ESYT3: variants seen among roughly 807,000 people sequenced by gnomAD.
The protein encoded by ESYT3 is extended synaptotagmin-3.
In ESYT3, 101 loss-of-function variants were observed where a neutral mutation model predicts 111.5. The ratio of observed to expected loss-of-function variants is 0.91; its 90% CI spans 0.77 to 1.07. The LOEUF is 1.07. Ranked by LOEUF, ESYT3 falls within the 50% of genes least tolerant of loss-of-function variation. ESYT3 has a pLI of 0.00. For missense variants in ESYT3, 1,097 were observed against 1,109.4 expected (o/e 0.99, Z 0.16); for synonymous variants, 416 against 446.8 (o/e 0.93, Z 0.87).
In ESYT3 at chr3:138,460,604, C is replaced by G; in HGVS notation, c.739-7C>G. ...TCCAGCCTAATAGCTTCCCTCTGCC[C>G]CTGAAGCACCTACAGATCAACTGGA... On this transcript the variant is annotated splice_region_variant and splice_polypyrimidine_tract_variant and intron_variant, in intron 6 of 22. Transcript: ENST00000389567. 3 of 1,614,000 alleles carry G rather than the reference C, an allele frequency of 1.9e-6. No individual in the cohort carries two copies. Among genetic ancestry groups the G allele is most frequent in the Non-Finnish European group, 2.5e-6 (3 of 1,179,900 alleles).
chr3:138,478,040 C>CTATT lies in ESYT3; in HGVS notation c.*1188_*1191dup, dbSNP rs1317460989. ...TGCTGACTCAAGTCATGTCTCAAAC[C>CTATT]TATTTCCTCTATTAAGTAAGTCAGT... is the stretch of plus-strand genomic sequence containing the variant. On this transcript the variant is annotated 3_prime_UTR_variant, in exon 23 of 23. Coordinates refer to ENST00000389567, the MANE Select transcript of ESYT3 (RefSeq NM_031913.5). 1.3e-5 allele frequency: 2 copies of CTATT among 151,956 alleles called. No individual in the cohort carries two copies. Among genetic ancestry groups the CTATT allele is most frequent in the African/African-American group, 4.9e-5 (2 of 41,202 alleles). 9.4% of individuals were successfully genotyped at this position (151,956 alleles called of 1,614,324 possible).
chr3:138,444,320 G>A (rs774970602), intron 1 of ESYT3, among the ~76,000 whole-genome samples: 31 of 152,230 alleles, frequency 2.0e-4, no homozygotes, highest in Non-Finnish European at 3.8e-4. Context: ...CTGACAGGTA[G>A]TGCGGGGAGG....
Position 138,468,900 on chromosome 3 carries a change from A to G in ESYT3, c.1434+19A>G, listed in dbSNP as rs2033075318. On this transcript the variant is annotated intron_variant, in intron 14 of 22. Coordinates refer to ENST00000389567, the MANE Select transcript of ESYT3 (RefSeq NM_031913.5). ...TGCCAGAGTGAGTGAGTATGTGGCT[A>G]AAAACTCCAGGGAGGGCAAATCACA... 3.1e-6 allele frequency: 5 copies of G among 1,613,832 alleles called. No individual in the cohort carries two copies. The highest frequency in any genetic ancestry group is 4.2e-6 in the Non-Finnish European group (5 of 1,179,708).
At chr3:138,442,192 T>A (rs992582658) in intron 1 of ESYT3, among the ~76,000 whole-genome samples, 1 of 152,176 alleles carries the variant, frequency 6.6e-6, no homozygotes, top group Non-Finnish European at 1.5e-5. Context: ...AAGTTAAAAT[T>A]AGGATAAGCA....
chr3:138,452,222 C>T (rs1417892793), intron 2 of ESYT3, 133 bp downstream of exon 2: 1 of 763,736 alleles, frequency 1.3e-6, no homozygotes, highest in Non-Finnish European at 2.1e-6. Flanking sequence ...TGCTCCCTTT[C>T]CCTCTTCTTT....
rs759716021 is a variant in ESYT3 at position 138,435,016 on chromosome 3, G to T, written c.218G>T (p.Arg73Leu). Reference protein sequence around the residue: ...LLGALLWMWWRRNRRGKLGRL... With the variant: ...LLGALLWMWWLRNRRGKLGRL... ...GGCGCCCTGCTGTGGATGTGGTGGCGCAGGAACCGCCGCGGGAAGCTTGGG... is the reference window on the plus strand; with the variant it reads ...GGCGCCCTGCTGTGGATGTGGTGGCTCAGGAACCGCCGCGGGAAGCTTGGG... The change falls in exon 1 of 23, where the codon CGC (arginine) becomes CTC (leucine). Residue 73 changes from arginine to leucine, a missense_variant. Transcript: ENST00000389567. This position sits in a 1 kb window ranked among gnomAD's most constrained non-coding sequence, Gnocchi z 4.8. The T allele has an allele frequency of 3.9e-5, 61 of 1,574,584 alleles. No individual in the cohort carries two copies. In the Admixed American group the frequency reaches 4.2e-4, roughly 11 times the overall value.
In ESYT3 at chr3:138,473,639, A is replaced by AG. The variant is rs766230320; in HGVS notation, c.2336+8dup. 1.2e-6 allele frequency: 2 copies of AG among 1,612,194 alleles called. No individual in the cohort carries two copies. The highest frequency in any genetic ancestry group is 2.2e-5 in the South Asian group (2 of 91,010). ...CGTGCTAATCAATGGCTGCAGGTAA[A>AG]GGGATTCTAGGGCCAGGGAGGTCCT... On this transcript the variant is annotated splice_donor_region_variant and intron_variant, in intron 19 of 22. Coordinates refer to ENST00000389567, the MANE Select transcript of ESYT3 (RefSeq NM_031913.5).
At chr3:138,457,121 C>T (rs2032324505) in intron 3 of ESYT3, among the ~76,000 whole-genome samples, 1 of 152,316 alleles carries the variant, frequency 6.6e-6, no homozygotes, top group South Asian at 2.1e-4. Context: ...TTCACACACC[C>T]ATGAACATTT....
intron 1 of ESYT3, among the ~76,000 whole-genome samples, chr3:138,444,368 G>A (rs151308085): frequency 0.01 from 1,540 of 152,298 alleles, 14 homozygotes; most frequent in Non-Finnish European, 0.016. Flanking sequence ...TTGACCATGT[G>A]TCTGGGCATC....
intron 1 of ESYT3, among the ~76,000 whole-genome samples, chr3:138,438,324 CCA>C (rs1376966174): frequency 1.3e-5 from 2 of 152,188 alleles, no homozygotes; most frequent in Non-Finnish European, 2.9e-5. Context: ...CTCAAGGGCA[CCA>C]CACTCAGACC....
At chr3:138,465,177 C>T (rs554018466) in intron 9 of ESYT3, among the ~76,000 whole-genome samples, 162 bp from the exon 10 acceptor site, 1 of 152,362 alleles carries the variant, frequency 6.6e-6, no homozygotes, top group East Asian at 1.9e-4. Context: ...CTTCTCTTCC[C>T]CCCGAAGGGG....
chr3:138,457,424 A>G, intron 3 of ESYT3, 144 bp from the exon 4 acceptor site: 1 of 765,902 alleles, frequency 1.3e-6, no homozygotes, highest in Non-Finnish European at 2.4e-6. Flanking sequence ...TCTGGGCTGC[A>G]GGATAGATTT....
chr3:138,434,931 T>C lies in ESYT3; in HGVS notation c.133T>C (p.Tyr45His). 2 of 1,552,278 alleles carry C rather than the reference T, an allele frequency of 1.3e-6. No individual in the cohort carries two copies. Among genetic ancestry groups the C allele is most frequent in the South Asian group, 1.2e-5 (1 of 84,092 alleles). Residue 45 changes from tyrosine to histidine, a missense_variant, in exon 1 of 23, where the codon TAC becomes CAC. Tyr to His is a moderately conservative substitution (Grantham distance 83). Coordinates refer to ENST00000389567, the MANE Select transcript of ESYT3 (RefSeq NM_031913.5). Reference protein sequence around the residue: ...LCTFVVRVLFYLGPVYLAGYL... With the variant: ...LCTFVVRVLFHLGPVYLAGYL... The stretch of plus-strand genomic sequence containing the variant: ...TACCTTCGTGGTGCGCGTGCTGTTC[T>C]ACCTGGGGCCTGTCTACCTAGCTGG...
intron 20 of ESYT3, among the ~76,000 whole-genome samples, chr3:138,475,409 A>G (rs546437766): frequency 6.6e-6 from 1 of 152,314 alleles, no homozygotes; most frequent in South Asian, 2.1e-4. Flanking sequence ...ATAAGCCTGG[A>G]CTATCTGGAA....
Position 138,465,426 on chromosome 3 carries a change from G to GGAGGAGGGCGCA in ESYT3, c.1169+6_1169+17dup. The GGAGGAGGGCGCA allele has an allele frequency of 6.3e-7, 1 of 1,584,204 alleles. No homozygotes were observed. Among genetic ancestry groups the GGAGGAGGGCGCA allele is most frequent in the African/African-American group, 1.3e-5 (1 of 74,716 alleles). On this transcript the variant is annotated splice_donor_region_variant and intron_variant, in intron 10 of 22. Coordinates refer to ENST00000389567, the MANE Select transcript of ESYT3 (RefSeq NM_031913.5). ...CAGGGATGACTTCCTGGGCAGGTGA[G>GGAGGAGGGCGCA]GAGGAGGGCGCACAGCTGGGCCTGG...
chr3:138,476,118 T>C (rs1458509614), intron 20 of ESYT3, 105 bp from the exon 21 acceptor site: 6 of 728,720 alleles, frequency 8.2e-6, no homozygotes, highest in Non-Finnish European at 1.4e-5. Context: ...GTGCTCCTAA[T>C]AGTCTGTACC....
At chr3:138,445,117 G>A (rs1023380827) in intron 1 of ESYT3, among the ~76,000 whole-genome samples, 3 of 152,208 alleles carry the variant, frequency 2.0e-5, no homozygotes, top group African/African-American at 7.2e-5. Flanking sequence ...AGCTCTCCAG[G>A]TGGGACTGTT....
chr3:138,473,635 G>GT lies in ESYT3; in HGVS notation c.2336+2dup. ...TCAGCGTGCTAATCAATGGCTGCAG[G>GT]TAAAGGGATTCTAGGGCCAGGGAGG... On this transcript the variant is annotated splice_donor_variant, in intron 19 of 22. Transcript: ENST00000389567. LOFTEE classifies it high-confidence loss of function. 6.2e-7 allele frequency: 1 copy of GT among 1,612,896 alleles called. No homozygotes were observed. Among genetic ancestry groups the GT allele is most frequent in the South Asian group, 1.1e-5 (1 of 91,026 alleles).
rs1438157303 is a variant in ESYT3 at position 138,473,563 on chromosome 3, G to C, written c.2265G>C (p.Leu755=). The change falls in exon 19 of 23, where the codon CTG becomes CTC. Residue 755 remains leucine (L), a synonymous_variant. Transcript: ENST00000389567. ...IEGGDLRRRQ[L]GEIQLTVRYV... ...GTGGGGACCTCAGGCGACGGCAGCT[G>C]GGTGAGATTCAGCTCACAGTGCGCT... 1 of 1,613,660 alleles carries C rather than the reference G, an allele frequency of 6.2e-7. No individual in the cohort carries two copies. The highest frequency in any genetic ancestry group is 1.3e-5 in the African/African-American group (1 of 74,924).
Sources: allele counts gnomAD v4.1 joint callset (sites outside exome capture counted in the v4.1 genomes callset), GRCh38; gene constraint gnomAD v4.1.1; non-coding constraint Gnocchi (gnomAD v3.1); transcripts MANE v1.5; gene names NCBI Gene and HGNC (gene_info 2026-07-23, HGNC 2026-07-21).